Variants in SAMD4A observed in about 807,000 individuals in gnomAD.
SAMD4A encodes the protein protein Smaug homolog 1.
In SAMD4A, 33 loss-of-function variants were observed where a neutral mutation model predicts 81.3. The observed-to-expected ratio is 0.41, with a 90% CI of 0.31 to 0.54. SAMD4A has a LOEUF of 0.54. Ranked by LOEUF, SAMD4A falls within the 20% of genes least tolerant of loss-of-function variation. The pLI is 0.37. For missense variants in SAMD4A, 854 were observed against 951.1 expected (o/e 0.90, Z 1.34); for synonymous variants, 389 against 382.1 (o/e 1.02, Z -0.21).
chr14:54,582,533 A>G (rs573677374), intron 2 of SAMD4A, among the ~76,000 whole-genome samples: 1 of 152,262 alleles, frequency 6.6e-6, no homozygotes, highest in East Asian at 1.9e-4. Flanking sequence ...AGCACACTGG[A>G]TTGACACTGC....
chr14:54,753,274 G>A (rs2038156912), intron 6 of SAMD4A, among the ~76,000 whole-genome samples: 1 of 152,270 alleles, frequency 6.6e-6, no homozygotes, highest in Admixed American at 6.5e-5. Context: ...CCGCTTTCAA[G>A]GACAGAGGTC....
At chr14:54,575,689 T>C (rs181101247) in intron 2 of SAMD4A, among the ~76,000 whole-genome samples, 1 of 152,338 alleles carries the variant, frequency 6.6e-6, no homozygotes, top group East Asian at 1.9e-4. Context: ...TGCAGGTGTG[T>C]TTCATATGAT....
intron 3 of SAMD4A, among the ~76,000 whole-genome samples, chr14:54,711,987 G>A (rs911618): frequency 0.98 from 149,168 of 152,254 alleles, 73,163 homozygotes; most frequent in Middle Eastern, 1. Flanking sequence ...GCCACAAACC[G>A]CTTCAAGTGC....
At chr14:54,772,995 G>A (rs2139923910) in intron 9 of SAMD4A, among the ~76,000 whole-genome samples, 1 of 152,188 alleles carries the variant, frequency 6.6e-6, no homozygotes, top group South Asian at 2.1e-4. Flanking sequence ...ATTTTTAAAA[G>A]GGAAAATGGG....
chr14:54,669,829 C>T (rs936677851), intron 2 of SAMD4A, among the ~76,000 whole-genome samples: 1 of 152,138 alleles, frequency 6.6e-6, no homozygotes. Flanking sequence ...ATGCAGGGAA[C>T]GCTTTGCACC....
chr14:54,753,022 T>C (rs192325456), intron 6 of SAMD4A, among the ~76,000 whole-genome samples: 4 of 152,364 alleles, frequency 2.6e-5, no homozygotes, highest in Admixed American at 2.6e-4. Context: ...ACAGGGCGGT[T>C]TTTCTCCTAT....
chr14:54,567,010 C>G (rs2032959129), upstream of SAMD4A: 1 of 153,040 alleles, frequency 6.5e-6, no homozygotes, highest in African/African-American at 2.4e-5. Context: ...GAGCTGCAGC[C>G]GCTCGGCTGC....
At chr14:54,737,870 A>C (rs2037740157) in intron 4 of SAMD4A, among the ~76,000 whole-genome samples, 1 of 152,204 alleles carries the variant, frequency 6.6e-6, no homozygotes, top group South Asian at 2.1e-4. Flanking sequence ...CAGTGTTTTA[A>C]TCCTGATAAC....
intron 2 of SAMD4A, among the ~76,000 whole-genome samples, chr14:54,701,643 G>A (rs1446414025): frequency 6.6e-6 from 1 of 152,206 alleles, no homozygotes; most frequent in Non-Finnish European, 1.5e-5. Context: ...TGGGGGAGGT[G>A]AAGCAGCCTC....
rs927769119 is a variant in SAMD4A at position 54,791,058 on chromosome 14, A to G, written c.*2114A>G. On this transcript the variant is annotated 3_prime_UTR_variant, in exon 13 of 13. Transcript: ENST00000554335. ...AAATCCATGTGCAGAAAGAGATGGCATTTTTTAGTTGATTATTTTTAACCA... is the reference window on the plus strand; with the variant it reads ...AAATCCATGTGCAGAAAGAGATGGCGTTTTTTAGTTGATTATTTTTAACCA... The G allele has an allele frequency of 1.3e-5, 2 of 152,136 alleles. No individual in the cohort carries two copies. Among genetic ancestry groups the G allele is most frequent in the East Asian group, 1.9e-4 (1 of 5,198 alleles). The allele number at this position is 152,136 out of a possible 1,614,324, so 9.4% of individuals were successfully genotyped here.
At chr14:54,667,580 C>T (rs1005063218) in intron 2 of SAMD4A, among the ~76,000 whole-genome samples, 9 of 152,300 alleles carry the variant, frequency 5.9e-5, no homozygotes, top group African/African-American at 2.2e-4. Context: ...TCTTCCACAT[C>T]CTGCTATTCA....
chr14:54,721,952 C>A (rs186116421), intron 3 of SAMD4A, among the ~76,000 whole-genome samples: 109 of 152,260 alleles, frequency 7.2e-4, no homozygotes, highest in African/African-American at 2.5e-3. Flanking sequence ...TGTATTATAG[C>A]ATTTTGTAGA....
chr14:54,658,414 G>A (rs909709137), intron 2 of SAMD4A, among the ~76,000 whole-genome samples: 1 of 152,058 alleles, frequency 6.6e-6, no homozygotes, highest in African/African-American at 2.4e-5. Flanking sequence ...TGACCCCCTT[G>A]TAAGACAGGT....
intron 2 of SAMD4A, among the ~76,000 whole-genome samples, chr14:54,606,057 A>G (rs966911016): frequency 1.3e-5 from 2 of 152,176 alleles, no homozygotes; most frequent in African/African-American, 4.8e-5. Flanking sequence ...AGGTTGTTCT[A>G]AGTACTAGGA....
At chr14:54,729,217 G>A (rs562684241) in intron 3 of SAMD4A, among the ~76,000 whole-genome samples, 2 of 152,160 alleles carry the variant, frequency 1.3e-5, no homozygotes, top group Admixed American at 6.5e-5. Flanking sequence ...GGTCTTGCTG[G>A]TTCCCACACT....
chr14:54,610,416 T>C (rs1349223907), intron 2 of SAMD4A, among the ~76,000 whole-genome samples: 1 of 152,208 alleles, frequency 6.6e-6, no homozygotes, highest in Non-Finnish European at 1.5e-5. Context: ...GCGTTTTCTT[T>C]ACCAGAGACC....
At chr14:54,610,503 G>C (rs1322085046) in intron 2 of SAMD4A, among the ~76,000 whole-genome samples, 1 of 152,154 alleles carries the variant, frequency 6.6e-6, no homozygotes, top group East Asian at 1.9e-4. Flanking sequence ...GGTCTGAAAA[G>C]TATTTTTTGG....
chr14:54,612,725 G>A (rs752846867), intron 2 of SAMD4A, among the ~76,000 whole-genome samples: 65 of 152,062 alleles, frequency 4.3e-4, no homozygotes, highest in African/African-American at 1.5e-3. Flanking sequence ...ATCCATCTGC[G>A]TGCTAGGATT....
intron 4 of SAMD4A, among the ~76,000 whole-genome samples, chr14:54,746,323 C>T (rs180825005): frequency 1.1e-3 from 172 of 152,286 alleles, no homozygotes; most frequent in African/African-American, 4.0e-3. Context: ...AGTGTCCGTG[C>T]GTACCTGCCT....
Sources: gnomAD v4.1 joint callset for allele counts (sites outside exome capture counted in the v4.1 genomes callset) on GRCh38, gnomAD v4.1.1 for gene constraint, MANE v1.5 for transcripts, NCBI Gene and HGNC (gene_info 2026-07-23, HGNC 2026-07-21) for gene names.